The following ARHGAP44 variants were observed in gnomAD, a reference collection of about 807,000 sequenced individuals.
The protein encoded by ARHGAP44 is Rho GTPase activating protein 44.
Under a neutral mutation model 106.8 loss-of-function variants are expected in ARHGAP44, and 43 were observed. The observed-to-expected ratio is 0.40, with a 90% CI of 0.32 to 0.52. The LOEUF (loss-of-function observed/expected upper bound fraction) is 0.52. Among genes scored for constraint, ARHGAP44 ranks in the 20% least tolerant of loss-of-function variants. The pLI is 0.48. For missense variants in ARHGAP44, 866 were observed against 1,050.5 expected, an observed-to-expected ratio of 0.82 and a Z score of 2.43; for synonymous variants, 439 against 410.3, an observed-to-expected ratio of 1.07 and a Z score of -0.85.
intron 1 of ARHGAP44, among the ~76,000 whole-genome samples, chr17:12,884,988 C>T (rs1042698467): frequency 9.9e-5 from 15 of 152,282 alleles, no homozygotes; most frequent in Non-Finnish European, 1.3e-4. Flanking sequence ...GCAACCTCCA[C>T]CTCCTGGGTT....
chr17:12,957,067 C>T (rs2039147372), intron 15 of ARHGAP44, among the ~76,000 whole-genome samples: 1 of 148,640 alleles, frequency 6.7e-6, no homozygotes, highest in Admixed American at 6.7e-5. Context: ...TCTCCTGCCT[C>T]ACCCCCTCTA....
intron 10 of ARHGAP44, among the ~76,000 whole-genome samples, chr17:12,945,076 T>C (rs536777909): frequency 6.6e-6 from 1 of 152,064 alleles, no homozygotes; most frequent in Non-Finnish European, 1.5e-5. Context: ...AGTTGCAGGA[T>C]CTTGGCTCAC....
chr17:12,886,676 A>G (rs1206013905), intron 1 of ARHGAP44, among the ~76,000 whole-genome samples: 2 of 152,070 alleles, frequency 1.3e-5, no homozygotes, highest in Admixed American at 1.3e-4. Context: ...CATTAGTTCT[A>G]CGAATTTTTT....
chr17:12,830,656 C>A (rs780726023), intron 1 of ARHGAP44, among the ~76,000 whole-genome samples: 2 of 152,166 alleles, frequency 1.3e-5, no homozygotes, highest in African/African-American at 2.4e-5. Flanking sequence ...TAAGACCTCC[C>A]CCACTGTAAA....
chr17:12,823,669 T>A (rs1399315925), intron 1 of ARHGAP44, among the ~76,000 whole-genome samples: 1 of 152,168 alleles, frequency 6.6e-6, no homozygotes, highest in Non-Finnish European at 1.5e-5. Context: ...AATAGTTTCC[T>A]CCATCAACAT....
intron 1 of ARHGAP44, among the ~76,000 whole-genome samples, chr17:12,811,008 G>A (rs2034422044): frequency 6.6e-6 from 1 of 152,062 alleles, no homozygotes; most frequent in Admixed American, 6.6e-5. Context: ...CTAGAGGAAA[G>A]AAAATGTGAT....
chr17:12,794,516 T>G (rs1014570940), intron 1 of ARHGAP44, among the ~76,000 whole-genome samples: 16 of 152,112 alleles, frequency 1.1e-4, no homozygotes, highest in African/African-American at 3.9e-4. Context: ...ATGGTCCAAG[T>G]GGGGCTTGTC....
intron 1 of ARHGAP44, among the ~76,000 whole-genome samples, chr17:12,840,695 G>T (rs770242634): frequency 6.6e-6 from 1 of 152,240 alleles, no homozygotes; most frequent in Non-Finnish European, 1.5e-5. Flanking sequence ...ATCACCACGA[G>T]GGGGCCTGCA....
intron 1 of ARHGAP44, among the ~76,000 whole-genome samples, chr17:12,841,637 C>CACAA (rs1555546102): frequency 0.026 from 2,662 of 101,474 alleles, 39 homozygotes; most frequent in Non-Finnish European, 0.035. Flanking sequence ...CACACACACA[C>CACAA]ACAAACAAAC....
rs1597855911 is a variant in ARHGAP44 at position 12,799,223 on chromosome 17, G to C, written c.53+9332G>C. Among the ~76,000 whole-genome samples the C allele has an allele frequency of 2.6e-5, 4 of 152,184 alleles. No homozygotes were observed. The East Asian group carries it at 5.8e-4, about 22-fold the overall frequency. ...CCTGAGTTTACTTTGTTCTTTTCCT[G>C]GTCTTTAGTCTTCCATGTTGTGTTA... is the stretch of plus-strand genomic sequence containing the variant. On this transcript the variant is annotated intron_variant, in intron 1 of 20. Coordinates refer to ENST00000379672, the MANE Select transcript of ARHGAP44 (RefSeq NM_014859.6).
chr17:12,831,625 G>A (rs907978133), intron 1 of ARHGAP44, among the ~76,000 whole-genome samples: 4 of 152,138 alleles, frequency 2.6e-5, no homozygotes, highest in East Asian at 1.9e-4. Flanking sequence ...CCCTCCCATC[G>A]AGGCCCTGTT....
chr17:12,820,028 T>C (rs2034720200), intron 1 of ARHGAP44, among the ~76,000 whole-genome samples: 1 of 152,168 alleles, frequency 6.6e-6, no homozygotes, highest in Non-Finnish European at 1.5e-5. Flanking sequence ...GGAGGCTTTA[T>C]TAGTTTACAT....
rs1342640842 is a variant in ARHGAP44 at position 12,903,102 on chromosome 17, G to C, written c.199-5795G>C. Among the ~76,000 whole-genome samples, 5 of 115,144 alleles carry C rather than the reference G, an allele frequency of 4.3e-5. 1 individual carries two copies. In the Middle Eastern group the frequency reaches 0.016, roughly 360 times the overall value. The allele number at this position is 115,144 out of a possible 152,430, so 75.5% of individuals were successfully genotyped here. A position where few individuals can be genotyped will look rare whatever the true frequency, so the allele number is the denominator to read the frequency against. On this transcript the variant is annotated intron_variant, in intron 3 of 20. Coordinates refer to ENST00000379672, the MANE Select transcript of ARHGAP44 (RefSeq NM_014859.6). ...AATATATGAGAGAGAGAGAGAGAGA[G>C]AGAGAGAGAGAGAGAGAGAGAGAGG...
chr17:12,830,932 G>A (rs2035069088), intron 1 of ARHGAP44, among the ~76,000 whole-genome samples: 1 of 152,312 alleles, frequency 6.6e-6, no homozygotes, highest in East Asian at 1.9e-4. Context: ...TATCAAAGCA[G>A]AAGTGAAAAT....
At chr17:12,816,265 T>C (rs1242486959) in intron 1 of ARHGAP44, among the ~76,000 whole-genome samples, 1 of 152,176 alleles carries the variant, frequency 6.6e-6, no homozygotes, top group Non-Finnish European at 1.5e-5. Flanking sequence ...ACTCTTCTTT[T>C]ATTCATCTTG....
intron 16 of ARHGAP44, among the ~76,000 whole-genome samples, chr17:12,967,005 A>C (rs11078105): frequency 0.1 from 15,653 of 151,664 alleles, 926 homozygotes; most frequent in South Asian, 0.2. Flanking sequence ...GGATCTTCCA[A>C]ATTTTATATT....
chr17:12,800,914 A>G (rs1274603290), intron 1 of ARHGAP44, among the ~76,000 whole-genome samples: 1 of 152,206 alleles, frequency 6.6e-6, no homozygotes, highest in African/African-American at 2.4e-5. Flanking sequence ...TAGAAATGCT[A>G]ATTAACTGCT....
At chr17:12,944,642 C>T (rs1456063996) in intron 10 of ARHGAP44, among the ~76,000 whole-genome samples, 2 of 145,330 alleles carry the variant, frequency 1.4e-5, no homozygotes, top group African/African-American at 2.5e-5. Flanking sequence ...TGTGCCACCA[C>T]GCCCAGCTAA....
At chr17:12,802,943 ATATATATATATATATATATATATATATTT>A (rs1412651624) in intron 1 of ARHGAP44, among the ~76,000 whole-genome samples, 17 of 12,540 alleles carry the variant, frequency 1.4e-3, no homozygotes, top group African/African-American at 9.7e-3. Flanking sequence ...ATATATATAT[ATATATATATATATATATATATATATATTT>A]TTTTTTTTTT....
Sources: gnomAD v4.1 joint callset for allele counts (sites outside exome capture counted in the v4.1 genomes callset) on GRCh38, gnomAD v4.1.1 for gene constraint, MANE v1.5 for transcripts, NCBI Gene and HGNC (gene_info 2026-07-23, HGNC 2026-07-21) for gene names.